The following EPHA8 variants were observed in gnomAD, a reference collection of about 807,000 sequenced individuals.
EPHA8 encodes EPH receptor A8, also known as ephrin type-A receptor 8.
EPHA8 carries 58 observed loss-of-function variants against 103.6 expected under a neutral mutation model. That is an observed-to-expected ratio of 0.56 (90% CI 0.45 to 0.70). The LOEUF is 0.70. EPHA8 is among the 30% of genes least tolerant of loss of function. The pLI, the probability that EPHA8 is intolerant of heterozygous loss-of-function variation, is 0.00. For synonymous variants in EPHA8, 559 were observed against 572.5 expected (o/e 0.98, Z 0.34); for missense variants, 1,304 against 1,395.2 (o/e 0.93, Z 1.04).
chr1:22,579,377 GTA>G (rs1640974723), intron 3 of EPHA8, among the ~76,000 whole-genome samples: 2 of 150,372 alleles, frequency 1.3e-5, no homozygotes, highest in African/African-American at 4.9e-5. Context: ...GTGCATGAGT[GTA>G]TGTGTGCACT....
chr1:22,576,513 G>A lies in EPHA8; in HGVS notation c.456G>A (p.Glu152=). 2 of 1,614,176 alleles carry A rather than the reference G, an allele frequency of 1.2e-6. No individual in the cohort carries two copies. The highest frequency in any genetic ancestry group is 1.3e-5 in the African/African-American group (1 of 75,068). The part of the protein sequence containing the change: ...FLKIDTIAAD[E]SFTGADLGVR... ...AAATCGACACCATTGCGGCCGACGA[G>A]AGCTTCACAGGTGCCGACCTTGGTG... Residue 152 remains glutamate (E), a synonymous_variant, in exon 3 of 17, where the codon GAG becomes GAA. Transcript: ENST00000166244. This position sits in a 1 kb window ranked among gnomAD's most constrained non-coding sequence, Gnocchi z 4.8.
chr1:22,597,709 G>C lies in EPHA8; in HGVS notation c.1964G>C (p.Arg655Pro). 1 of 1,612,212 alleles carries C rather than the reference G, an allele frequency of 6.2e-7. No individual in the cohort carries two copies. Among genetic ancestry groups the C allele is most frequent in the Non-Finnish European group, 8.5e-7 (1 of 1,179,482 alleles). Residue 655 changes from arginine to proline, a missense_variant, in exon 11 of 17, where the codon CGG (arginine) becomes CCG (proline). Transcript: ENST00000166244. This position sits in a 1 kb window ranked among gnomAD's most constrained non-coding sequence, Gnocchi z 4.6. ...DSGEVCYGRL[R>P]VPGQRDVPVA... ...GGGGAAGTCTGCTACGGGAGGCTGC[G>C]GGTGCCAGGGCAGCGGGATGTGCCC...
At chr1:22,587,135 A>C (rs772657573) in intron 4 of EPHA8, among the ~76,000 whole-genome samples, 2 of 152,236 alleles carry the variant, frequency 1.3e-5, no homozygotes, top group Non-Finnish European at 2.9e-5. Flanking sequence ...GATTCTGTGT[A>C]TGCCCTGGGG....
At position 22,589,196 on chromosome 1, in the gene EPHA8, G is replaced by A. The variant is rs527661260; in HGVS notation, c.1305G>A (p.Thr435=). ...PRRAAVVNIT[T]NQAAPSQVVV... Reference sequence around the variant, plus strand: ...GGGCCGCTGTGGTCAACATCACCACGAACCAGGCAGGTAGGCGGAGAAACT... The same window carrying A: ...GGGCCGCTGTGGTCAACATCACCACAAACCAGGCAGGTAGGCGGAGAAACT... Residue 435 remains threonine, a synonymous_variant, in exon 5 of 17, where the codon ACG becomes ACA. Coordinates refer to ENST00000166244, the MANE Select transcript of EPHA8 (RefSeq NM_020526.5). The surrounding 1 kb of genome is among the most constrained non-coding windows in gnomAD (Gnocchi z 4.3). The A allele has an allele frequency of 1.1e-5, 18 of 1,613,978 alleles. No homozygotes were observed. Among genetic ancestry groups the A allele is most frequent in the Middle Eastern group, 1.6e-4 (1 of 6,062 alleles).
chr1:22,601,171 T>C, intron 15 of EPHA8, 83 bp downstream of exon 15: 1 of 1,538,728 alleles, frequency 6.5e-7, no homozygotes, highest in Non-Finnish European at 8.7e-7. Context: ...AGTTTGGCCC[T>C]GACACTAGGA....
At chr1:22,593,292 C>T (rs775757915) in intron 5 of EPHA8, 34 bp from the exon 6 acceptor site, 3 of 1,544,822 alleles carry the variant, frequency 1.9e-6, no homozygotes, top group East Asian at 2.4e-5. Context: ...GCCTTGTCTC[C>T]CCTCCGCCCA....
Position 22,569,488 on chromosome 1 carries a change from G to A in EPHA8, c.159+135G>A. On this transcript the variant is annotated intron_variant, in intron 2 of 16. Transcript: ENST00000166244. This position sits in a 1 kb window ranked among gnomAD's most constrained non-coding sequence, Gnocchi z 4.5. ...CAAGGGACTTACCCAAGGGCACACA[G>A]CAGTTAGTGCTGCTGATCTCTTAAC... is the stretch of plus-strand genomic sequence containing the variant. The A allele has an allele frequency of 1.2e-6, 1 of 862,964 alleles. No individual in the cohort carries two copies. The highest frequency in any genetic ancestry group is 1.8e-6 in the Non-Finnish European group (1 of 564,068). The allele number at this position is 862,964 out of a possible 1,614,324, so 53.5% of individuals were successfully genotyped here.
Position 22,601,652 on chromosome 1 carries a change from C to A in EPHA8, c.2929C>A (p.Leu977Ile). 6.3e-7 allele frequency: 1 copy of A among 1,595,052 alleles called. No homozygotes were observed. Among genetic ancestry groups the A allele is most frequent in the East Asian group, 2.3e-5 (1 of 43,450 alleles). ...GGACGTGCGCGCCCTGGGCATCACC[C>A]TCATGGGCCACCAGAAGAAGATCCT... ...AQDVRALGIT[L>I]MGHQKKILGS... Residue 977 changes from leucine to isoleucine, a missense_variant, in exon 17 of 17, where the codon CTC becomes ATC. Leu to Ile is a conservative substitution (Grantham distance 5). Coordinates refer to ENST00000166244, the MANE Select transcript of EPHA8 (RefSeq NM_020526.5).
At chr1:22,583,665 G>A (rs967486905) in intron 3 of EPHA8, among the ~76,000 whole-genome samples, 2 of 152,230 alleles carry the variant, frequency 1.3e-5, no homozygotes, top group African/African-American at 4.8e-5. Flanking sequence ...TGTCATGCTT[G>A]CCATCTCCCT....
intron 7 of EPHA8, 21 bp from the exon 8 acceptor site, chr1:22,595,209 A>C: frequency 6.3e-7 from 1 of 1,596,202 alleles, no homozygotes; most frequent in African/African-American, 1.3e-5. Context: ...CTGGTCCCCC[A>C]ACCCTGGCTT....
Position 22,601,637 on chromosome 1 carries a change from G to T in EPHA8, c.2914G>T (p.Ala972Ser), listed in dbSNP as rs145095203. 2 of 1,592,420 alleles carry T rather than the reference G, an allele frequency of 1.3e-6. No homozygotes were observed. The highest frequency in any genetic ancestry group is 3.5e-5 in the Admixed American group (2 of 57,956). The change falls in exon 17 of 17, where the codon GCC becomes TCC. Residue 972 changes from alanine to serine, a missense_variant. Coordinates refer to ENST00000166244, the MANE Select transcript of EPHA8 (RefSeq NM_020526.5). The part of the protein sequence containing the change: ...VLRMNAQDVR[A>S]LGITLMGHQK... ...ACCCTTCCTTCACAGGGACGTGCGC[G>T]CCCTGGGCATCACCCTCATGGGCCA...
At chr1:22,566,962 C>T (rs1640377006) in intron 1 of EPHA8, among the ~76,000 whole-genome samples, 1 of 152,142 alleles carries the variant, frequency 6.6e-6, no homozygotes, top group African/African-American at 2.4e-5. Context: ...TCCCATAGCC[C>T]TTCCTGAGTC....
intron 13 of EPHA8, among the ~76,000 whole-genome samples, chr1:22,599,697 AGGGAGGAAGGAGGGAAGGAAGG>A (rs1641635526): frequency 4.4e-5 from 1 of 22,668 alleles, no homozygotes; most frequent in African/African-American, 3.6e-4. Context: ...GAAAGGAGGG[AGGGAGGAAGGAGGGAAGGAAGG>A]GAGGGAGGGA....
rs1176745302 is a variant in EPHA8, at chr1:22,593,629, A to G, written c.1546A>G (p.Thr516Ala). Reference protein sequence around the residue: ...TRYVFQVRARTSAGCGRFSQA... With the variant: ...TRYVFQVRARASAGCGRFSQA... ...CTACGTGTTCCAGGTCCGAGCCCGC[A>G]CCTCAGCAGGCTGTGGCCGCTTCAG... Residue 516 changes from threonine (T) to alanine (A), a missense_variant, in exon 7 of 17, where the codon ACC (threonine) becomes GCC (alanine). Coordinates refer to ENST00000166244, the MANE Select transcript of EPHA8 (RefSeq NM_020526.5). 2 of 1,608,034 alleles carry G rather than the reference A, an allele frequency of 1.2e-6. No homozygotes were observed. Among genetic ancestry groups the G allele is most frequent in the African/African-American group, 1.3e-5 (1 of 74,794 alleles).
In EPHA8 at chr1:22,567,431, T is replaced by TCTCTGC. The variant is rs1640397257; in HGVS notation, c.95-1850_95-1845dup. 6.6e-6 allele frequency among the ~76,000 whole-genome samples: 1 copy of TCTCTGC among 152,142 alleles called. No homozygotes were observed. Among genetic ancestry groups the TCTCTGC allele is most frequent in the South Asian group, 2.1e-4 (1 of 4,824 alleles). ...GGAGGGAGGCAGGCGGGAAGCCTTC[T>TCTCTGC]CTCTGCCTCTGCCCCTGGCGTGGGG... On this transcript the variant is annotated intron_variant, in intron 1 of 16. Transcript: ENST00000166244. This position sits in a 1 kb window ranked among gnomAD's most constrained non-coding sequence, Gnocchi z 4.2.
At position 22,576,920 on chromosome 1, in the gene EPHA8, G is replaced by A. The variant is rs376482207; in HGVS notation, c.823+40G>A. ...GCCTGGGCATGGGTCAGCCGGCAGC[G>A]GTGCTTGGTCTTGGCAGGGCTGCCA... On this transcript the variant is annotated intron_variant, in intron 3 of 16. Transcript: ENST00000166244. This position sits in a 1 kb window ranked among gnomAD's most constrained non-coding sequence, Gnocchi z 4.8. 3.9e-6 allele frequency: 6 copies of A among 1,545,170 alleles called. No homozygotes were observed. The highest frequency in any genetic ancestry group is 2.3e-5 in the East Asian group (1 of 43,936).
At position 22,598,422 on chromosome 1, in the gene EPHA8, G is replaced by A. The variant is rs776846770; in HGVS notation, c.2178+210G>A. On this transcript the variant is annotated intron_variant, in intron 12 of 16. Transcript: ENST00000166244. The surrounding 1 kb of genome is among the most constrained non-coding windows in gnomAD (Gnocchi z 5.1). ...TGCATGAAAGTCCCTCTGCTCCATG[G>A]GATCCTGCTGCCCTGCACACAGGCT... 1.2e-4 allele frequency among the ~76,000 whole-genome samples: 18 copies of A among 152,168 alleles called. No homozygotes were observed. Among genetic ancestry groups the A allele is most frequent in the Non-Finnish European group, 1.6e-4 (11 of 68,030 alleles).
At chr1:22,564,557 T>A (rs1640300726) in intron 1 of EPHA8, among the ~76,000 whole-genome samples, 1 of 150,990 alleles carries the variant, frequency 6.6e-6, no homozygotes, top group South Asian at 2.1e-4. Flanking sequence ...AGGATTGGGG[T>A]GGGGAGGTGC....
intron 5 of EPHA8, among the ~76,000 whole-genome samples, chr1:22,591,714 G>A (rs1202229418): frequency 6.6e-6 from 1 of 152,086 alleles, no homozygotes; most frequent in East Asian, 1.9e-4. Flanking sequence ...ATGGTCTCCG[G>A]TGCCCCCTCC....
Sources: allele counts gnomAD v4.1 joint callset (sites outside exome capture counted in the v4.1 genomes callset), GRCh38; gene constraint gnomAD v4.1.1; non-coding constraint Gnocchi (gnomAD v3.1); transcripts MANE v1.5; gene names NCBI Gene and HGNC (gene_info 2026-07-23, HGNC 2026-07-21).